The following KYNU variants were observed in gnomAD, a reference collection of about 807,000 sequenced individuals.
KYNU encodes the protein L-kynurenine hydrolase.
A neutral mutation model predicts 59.2 loss-of-function variants in KYNU; 54 were observed. The ratio of observed to expected loss-of-function variants is 0.91; its 90% CI spans 0.73 to 1.14. The LOEUF (loss-of-function observed/expected upper bound fraction) is 1.14, where lower values mean the gene tolerates loss of function less well. Ranked by LOEUF, KYNU falls within the 50% of genes most tolerant of loss-of-function variation. KYNU has a pLI of 0.00. For missense variants in KYNU, 567 were observed against 554.4 expected (o/e 1.02, Z -0.23); for synonymous variants, 177 against 192.0 (o/e 0.92, Z 0.65).
At chr2:142,915,118 T>TGTG (rs572884310) in intron 2 of KYNU, among the ~76,000 whole-genome samples, 1 of 152,230 alleles carries the variant, frequency 6.6e-6, no homozygotes, top group Non-Finnish European at 1.5e-5. Context: ...CTTGTTGAGT[T>TGTG]GTGGTAATTT....
chr2:142,969,469 C>T (rs1370437556), intron 8 of KYNU, among the ~76,000 whole-genome samples: 1 of 152,154 alleles, frequency 6.6e-6, no homozygotes, highest in African/African-American at 2.4e-5. Flanking sequence ...TAAATCCATG[C>T]AGGTGGAAGC....
At chr2:142,982,350 T>C (rs1356093974) in intron 8 of KYNU, among the ~76,000 whole-genome samples, 1 of 152,160 alleles carries the variant, frequency 6.6e-6, no homozygotes, top group Non-Finnish European at 1.5e-5. Context: ...TGAATCTTTA[T>C]ATTTTCTCAG....
In KYNU at chr2:142,956,013, A is replaced by G. The variant is rs16858379; in HGVS notation, c.436-190A>G. Reference sequence around the variant, plus strand: ...TTTCATTGATAAGCAAATTGAGCCAATATCTTCTTTCTCTTTGAGATTCAC... The same window carrying G: ...TTTCATTGATAAGCAAATTGAGCCAGTATCTTCTTTCTCTTTGAGATTCAC... On this transcript the variant is annotated intron_variant, in intron 5 of 13. Transcript: ENST00000264170. Among the ~76,000 whole-genome samples the G allele has an allele frequency of 7.5e-3, 1,136 of 152,216 alleles. 18 individuals are homozygous for G. The highest frequency in any genetic ancestry group is 0.026 in the African/African-American group (1,068 of 41,548).
intron 8 of KYNU, among the ~76,000 whole-genome samples, chr2:142,973,296 C>A (rs1684787590): frequency 6.6e-6 from 1 of 151,992 alleles, no homozygotes; most frequent in Non-Finnish European, 1.5e-5. Context: ...TACTTTGCTC[C>A]TAAATGTCAA....
At chr2:142,997,507 T>C (rs573812855) in intron 10 of KYNU, among the ~76,000 whole-genome samples, 1 of 152,286 alleles carries the variant, frequency 6.6e-6, no homozygotes, top group South Asian at 2.1e-4. Flanking sequence ...TTATATTTCA[T>C]TTTAAGTTAT....
At chr2:142,996,776 G>C (rs1440943711) in intron 10 of KYNU, among the ~76,000 whole-genome samples, 1 of 152,104 alleles carries the variant, frequency 6.6e-6, no homozygotes, top group Non-Finnish European at 1.5e-5. Context: ...CTGTTCATGA[G>C]GAACAAGATT....
intron 8 of KYNU, among the ~76,000 whole-genome samples, chr2:142,970,443 C>A (rs1159525456): frequency 1.3e-5 from 2 of 152,122 alleles, no homozygotes; most frequent in Non-Finnish European, 2.9e-5. Flanking sequence ...CATGTTGACA[C>A]AGTAATCAGC....
intron 10 of KYNU, among the ~76,000 whole-genome samples, chr2:143,018,563 A>C (rs1686324129): frequency 6.6e-6 from 1 of 151,388 alleles, no homozygotes. Context: ...TTTGAAGTCA[A>C]GTCATGTGAT....
chr2:142,930,229 AGAGTT>A (rs927315035), intron 4 of KYNU, among the ~76,000 whole-genome samples: 3 of 152,208 alleles, frequency 2.0e-5, no homozygotes, highest in Non-Finnish European at 4.4e-5. Context: ...AAAAAAGGTC[AGAGTT>A]TAGTCCTCAC....
At chr2:142,908,828 G>A (rs953736955) in intron 2 of KYNU, among the ~76,000 whole-genome samples, 1 of 152,100 alleles carries the variant, frequency 6.6e-6, no homozygotes, top group Non-Finnish European at 1.5e-5. Context: ...TAGAGACAGG[G>A]TTTCACTGTG....
chr2:143,022,470 C>T (rs1469562854), intron 10 of KYNU, among the ~76,000 whole-genome samples: 2 of 151,904 alleles, frequency 1.3e-5, no homozygotes, highest in Admixed American at 1.3e-4. Context: ...AATATGTATG[C>T]AATCCTAACC....
intron 2 of KYNU, among the ~76,000 whole-genome samples, chr2:142,886,324 A>G (rs80338527): frequency 9.1e-4 from 138 of 152,306 alleles, no homozygotes; most frequent in African/African-American, 3.2e-3. Context: ...AGTACTCAGG[A>G]GCCATGAAGG....
chr2:142,925,179 G>A lies in KYNU; in HGVS notation c.291-2480G>A, dbSNP rs574593636. Among the ~76,000 whole-genome samples, 10 of 152,170 alleles carry A rather than the reference G, an allele frequency of 6.6e-5. No homozygotes were observed. The South Asian group carries it at 2.1e-3, about 32-fold the overall frequency. On this transcript the variant is annotated intron_variant, in intron 3 of 13. Transcript: ENST00000264170. ...AGCTCTATGTGATGAAAATAAAAAA[G>A]GATCCAAGTATCTTCCTTTAACTAC... is the stretch of plus-strand genomic sequence containing the variant.
At chr2:143,032,829 G>A (rs1686796154) in intron 11 of KYNU, among the ~76,000 whole-genome samples, 1 of 151,426 alleles carries the variant, frequency 6.6e-6, no homozygotes, top group Admixed American at 6.6e-5. Flanking sequence ...TCATATTTCT[G>A]CCTTTGGGAG....
intron 8 of KYNU, among the ~76,000 whole-genome samples, chr2:142,972,819 G>T (rs1022587224): frequency 0.011 from 1,569 of 143,364 alleles, 9 homozygotes; most frequent in East Asian, 0.02. Flanking sequence ...TATATAGAGA[G>T]AGAGAGAGAG....
intron 12 of KYNU, among the ~76,000 whole-genome samples, chr2:143,037,669 G>A (rs1686927105): frequency 6.6e-6 from 1 of 152,070 alleles, no homozygotes; most frequent in African/African-American, 2.4e-5. Flanking sequence ...AATACAAGTA[G>A]TTGAAACTCT....
Position 142,945,407 on chromosome 2 carries a change from A to C in KYNU, c.374-9403A>C, listed in dbSNP as rs183148005. On this transcript the variant is annotated intron_variant, in intron 4 of 13. Coordinates refer to ENST00000264170, the MANE Select transcript of KYNU (RefSeq NM_003937.3). ...GCACTTTCGTAAGAGGCAACCCCTC[A>C]TCTGTTGAAGTTTTATTATGAGATT... is the stretch of plus-strand genomic sequence containing the variant. Among the ~76,000 whole-genome samples, 6 of 152,354 alleles carry C rather than the reference A, an allele frequency of 3.9e-5. No individual in the cohort carries two copies. The South Asian group carries it at 8.3e-4, about 21-fold the overall frequency.
chr2:143,020,655 A>G (rs1034915183), intron 10 of KYNU, among the ~76,000 whole-genome samples: 101 of 152,288 alleles, frequency 6.6e-4, no homozygotes, highest in East Asian at 1.2e-3. Context: ...TTGGTAGACT[A>G]TAGTTTAACT....
intron 4 of KYNU, among the ~76,000 whole-genome samples, chr2:142,948,290 T>C (rs1276112567): frequency 6.6e-6 from 1 of 152,200 alleles, no homozygotes; most frequent in Non-Finnish European, 1.5e-5. Context: ...CTTCAAAGAA[T>C]TGAAGAGAAT....
Sources: allele counts gnomAD v4.1 joint callset (sites outside exome capture counted in the v4.1 genomes callset), GRCh38; gene constraint gnomAD v4.1.1; transcripts MANE v1.5; gene names NCBI Gene and HGNC (gene_info 2026-07-23, HGNC 2026-07-21).